The following ERBB4 variants were observed in gnomAD, a reference collection of about 807,000 sequenced individuals.
ERBB4 encodes erb-b2 receptor tyrosine kinase 4.
A neutral mutation model predicts 158.0 loss-of-function variants in ERBB4; 42 were observed. That is an observed-to-expected ratio of 0.27 (90% CI 0.21 to 0.34). The LOEUF (loss-of-function observed/expected upper bound fraction) is 0.34. Among genes scored for constraint, ERBB4 ranks in the 10% least tolerant of loss-of-function variants. The probability of loss-of-function intolerance (pLI) is 1.00; values close to 1 mark genes in which losing one functional copy is unlikely to be tolerated. For missense variants in ERBB4, 1,333 were observed against 1,624.1 expected, an observed-to-expected ratio of 0.82 and a Z score of 3.08; for synonymous variants, 583 against 558.7, an observed-to-expected ratio of 1.04 and a Z score of -0.61.
At position 212,362,318 on chromosome 2, in the gene ERBB4, T is replaced by C. The variant is rs551228414; in HGVS notation, c.82+176131A>G. On this transcript the variant is annotated intron_variant, in intron 1 of 27. Coordinates refer to ENST00000342788, the MANE Select transcript of ERBB4 (RefSeq NM_005235.3). ...AAGGAATGGCCAAATTAGCGGCTAA[T>C]TTTAAAGAAAACACAAATAGGGCTT... 2.0e-5 allele frequency among the ~76,000 whole-genome samples: 3 copies of C among 151,564 alleles called. No individual in the cohort carries two copies. In the South Asian group the frequency reaches 6.2e-4, roughly 31 times the overall value.
intron 2 of ERBB4, among the ~76,000 whole-genome samples, chr2:212,059,259 GAAC>G (rs1247035309): frequency 6.6e-6 from 1 of 152,128 alleles, no homozygotes; most frequent in Non-Finnish European, 1.5e-5. Context: ...TCTTCAAGGA[GAAC>G]AACAAACCAC....
rs188015578 is a variant in ERBB4, at chr2:212,095,663, T to C, written c.234+29089A>G. Among the ~76,000 whole-genome samples, 161 of 152,284 alleles carry C rather than the reference T, an allele frequency of 1.1e-3. 2 individuals are homozygous for C. Among genetic ancestry groups the C allele is most frequent in the Admixed American group, 8.0e-3 (122 of 15,294 alleles). On this transcript the variant is annotated intron_variant, in intron 2 of 27. Coordinates refer to ENST00000342788, the MANE Select transcript of ERBB4 (RefSeq NM_005235.3). ...GACAGTAAATTTTGGCCGGGCGCGGTGGCTCACGCCTATAATCCCAGCACT... is the reference window on the plus strand; with the variant it reads ...GACAGTAAATTTTGGCCGGGCGCGGCGGCTCACGCCTATAATCCCAGCACT...
At chr2:212,176,663 C>T (rs577829540) in intron 1 of ERBB4, among the ~76,000 whole-genome samples, 18 of 151,990 alleles carry the variant, frequency 1.2e-4, no homozygotes, top group African/African-American at 3.9e-4. Flanking sequence ...CTGTTTTTAC[C>T]TTATTTACAC....
intron 20 of ERBB4, among the ~76,000 whole-genome samples, chr2:211,537,309 G>A (rs1444841180): frequency 7.3e-6 from 1 of 136,368 alleles, no homozygotes; most frequent in African/African-American, 2.5e-5. Context: ...TTGCTGTAAG[G>A]TCTGGCTCAA....
intron 19 of ERBB4, among the ~76,000 whole-genome samples, chr2:211,577,477 C>T (rs1455433950): frequency 6.6e-6 from 1 of 152,026 alleles, no homozygotes; most frequent in Admixed American, 6.6e-5. Context: ...CAGTATCATC[C>T]TGACACCAAA....
chr2:211,716,362 CAAAAAAAAAAAAAAAAA>C (rs534486221), intron 7 of ERBB4, among the ~76,000 whole-genome samples: 760 of 69,332 alleles, frequency 0.011, 16 homozygotes, highest in Middle Eastern at 0.038. Context: ...AACTCTGTCT[CAAAAAAAAAAAAAAAAA>C]AAAAAAAAAA....
intron 1 of ERBB4, among the ~76,000 whole-genome samples, chr2:212,204,233 A>C (rs2082669874): frequency 6.6e-6 from 1 of 152,162 alleles, no homozygotes; most frequent in Non-Finnish European, 1.5e-5. Context: ...TATTTCTCAC[A>C]TTGCTAATTG....
rs138087303 is a variant in ERBB4, at chr2:211,865,249, T to C, written c.422-77090A>G. Among the ~76,000 whole-genome samples the C allele has an allele frequency of 2.2e-3, 333 of 151,692 alleles. 1 individual carries two copies. The highest frequency in any genetic ancestry group is 7.2e-3 in the African/African-American group (298 of 41,420). On this transcript the variant is annotated intron_variant, in intron 3 of 27. Transcript: ENST00000342788. ...TATAGATATATCATAAAGATTTATC[T>C]GTTATTGCTTAGGAGATTGGAAAAA...
At chr2:211,477,410 T>C (rs1481623072) in intron 20 of ERBB4, among the ~76,000 whole-genome samples, 1 of 152,056 alleles carries the variant, frequency 6.6e-6, no homozygotes, top group Non-Finnish European at 1.5e-5. Context: ...GAACCCTAAT[T>C]AATACACTAA....
intron 3 of ERBB4, among the ~76,000 whole-genome samples, chr2:211,901,175 A>T (rs1419241873): frequency 1.3e-5 from 2 of 152,264 alleles, no homozygotes; most frequent in East Asian, 3.9e-4. Context: ...TGATGCCAAA[A>T]ACCCAGAGGA....
At chr2:211,407,326 C>G (rs1269468938) in intron 25 of ERBB4, among the ~76,000 whole-genome samples, 1 of 152,082 alleles carries the variant, frequency 6.6e-6, no homozygotes, top group African/African-American at 2.4e-5. Context: ...AACTACAATA[C>G]CGGACTCTAA....
intron 2 of ERBB4, among the ~76,000 whole-genome samples, chr2:212,032,746 T>C (rs1308537768): frequency 6.6e-6 from 1 of 151,962 alleles, no homozygotes; most frequent in African/African-American, 2.4e-5. Flanking sequence ...TTCTACAGAC[T>C]TCCATATGGA....
chr2:212,386,401 T>C (rs901096388), intron 1 of ERBB4, among the ~76,000 whole-genome samples: 6 of 151,894 alleles, frequency 4.0e-5, no homozygotes, highest in Non-Finnish European at 7.4e-5. Context: ...TCTACTTATG[T>C]CCTTAAGACA....
At chr2:211,850,408 AATATAT>A (rs139705130) in intron 3 of ERBB4, among the ~76,000 whole-genome samples, 2,248 of 151,912 alleles carry the variant, frequency 0.015, 60 homozygotes, top group African/African-American at 0.052. Context: ...ACTTGTGTTG[AATATAT>A]ATATGTATAC....
At chr2:211,789,679 G>A (rs1162488559) in intron 3 of ERBB4, among the ~76,000 whole-genome samples, 1 of 152,060 alleles carries the variant, frequency 6.6e-6, no homozygotes, top group Non-Finnish European at 1.5e-5. Context: ...GGAAGAAGAG[G>A]GACATGGATA....
chr2:211,447,693 T>G (rs969039404), intron 20 of ERBB4, among the ~76,000 whole-genome samples: 29 of 152,186 alleles, frequency 1.9e-4, no homozygotes, highest in Admixed American at 4.6e-4. Flanking sequence ...AGCAGACTTA[T>G]TTTTGACTTC....
intron 16 of ERBB4, among the ~76,000 whole-genome samples, chr2:211,649,980 G>T (rs2070924535): frequency 6.6e-6 from 1 of 151,890 alleles, no homozygotes; most frequent in South Asian, 2.1e-4. Flanking sequence ...GTATGTTTAT[G>T]AAAAAATGAT....
chr2:211,939,533 T>C (rs748453283), intron 3 of ERBB4, among the ~76,000 whole-genome samples: 1 of 152,086 alleles, frequency 6.6e-6, no homozygotes, highest in Admixed American at 6.5e-5. Flanking sequence ...ACTGAGGGTG[T>C]TAGGTTCTGC....
chr2:211,384,808 A>G lies in ERBB4; in HGVS notation c.3482-748T>C, dbSNP rs3791681. The stretch of plus-strand genomic sequence containing the variant: ...CAGCTTGAATTATATAAAATAAAAT[A>G]AATTTTGTATATTGAAACCAGTCAA... On this transcript the variant is annotated intron_variant, in intron 27 of 27. Transcript: ENST00000342788. 6.2e-4 allele frequency among the ~76,000 whole-genome samples: 94 copies of G among 152,238 alleles called. 1 individual carries two copies. The East Asian group carries it at 0.013, about 20-fold the overall frequency.
Sources: allele counts gnomAD v4.1 joint callset (sites outside exome capture counted in the v4.1 genomes callset), GRCh38; gene constraint gnomAD v4.1.1; transcripts MANE v1.5; gene names NCBI Gene and HGNC (gene_info 2026-07-23, HGNC 2026-07-21).